Variants in CSF1R observed in about 807,000 individuals in gnomAD.
CSF1R encodes macrophage colony-stimulating factor 1 receptor.
In CSF1R, 40 loss-of-function variants were observed where a neutral mutation model predicts 110.0. The observed-to-expected ratio is 0.36, with a 90% CI of 0.28 to 0.47. The LOEUF (loss-of-function observed/expected upper bound fraction) is 0.47. CSF1R is among the 20% of genes least tolerant of loss of function. CSF1R has a pLI of 0.99. For missense variants in CSF1R, 1,052 were observed against 1,253.0 expected, an observed-to-expected ratio of 0.84 and a Z score of 2.42; for synonymous variants, 523 against 503.4, an observed-to-expected ratio of 1.04 and a Z score of -0.52.
At chr5:150,100,954 C>G (rs1412596703) in intron 1 of CSF1R, among the ~76,000 whole-genome samples, 1 of 152,056 alleles carries the variant, frequency 6.6e-6, no homozygotes, top group African/African-American at 2.4e-5. Context: ...TTCTCCCATT[C>G]TGTGGTTTGT....
intron 5 of CSF1R, 104 bp from the exon 6 acceptor site, chr5:150,073,597 TC>T: frequency 8.3e-7 from 1 of 1,201,112 alleles, no homozygotes; most frequent in Non-Finnish European, 1.2e-6. Flanking sequence ...AGCAGCTATG[TC>T]ACAGGTACAT....
intron 14 of CSF1R, 21 bp from the exon 15 acceptor site, chr5:150,057,613 G>A (rs1329148410): frequency 1.9e-6 from 3 of 1,597,990 alleles, no homozygotes; most frequent in Middle Eastern, 1.7e-4. Context: ...GAGAGGGTTG[G>A]GGGGCAGAGG....
At position 150,080,893 on chromosome 5, in the gene CSF1R, A is replaced by G. The variant is rs1423864756; in HGVS notation, c.181T>C (p.Tyr61His). 1 of 1,614,194 alleles carries G rather than the reference A, an allele frequency of 6.2e-7. No homozygotes were observed. ...AGGATGCTGCTGGAGCCATCAGAGTACAGGGTCCAGTGAGGTGATGGGGGG... is the reference window on the plus strand; with the variant it reads ...AGGATGCTGCTGGAGCCATCAGAGTGCAGGGTCCAGTGAGGTGATGGGGGG... ...DGPPSPHWTL[Y>H]SDGSSSILST... is the part of the protein sequence containing the mutation. Residue 61 changes from tyrosine to histidine, a missense_variant, in exon 2 of 21, where the codon TAC (tyrosine) becomes CAC (histidine). Physicochemically the swap from Tyr to His is moderately conservative, Grantham distance 83 (BLOSUM62 2). Coordinates refer to ENST00000675795, the MANE Select transcript of CSF1R (RefSeq NM_001288705.3).
In CSF1R at chr5:150,103,213, T is replaced by C. The variant is rs75347015; in HGVS notation, c.-181+10048A>G. On this transcript the variant is annotated intron_variant, in intron 1 of 21. Coordinates refer to the CSF1R transcript ENST00000286301. ...GCGCCACTCCCCACTACTTGGATTG[T>C]CTGGCCAATACCATTCCCTGTGCCC... Among the ~76,000 whole-genome samples, 837 of 152,362 alleles carry C rather than the reference T, an allele frequency of 5.5e-3. 5 individuals are homozygous for C. The highest frequency in any genetic ancestry group is 0.019 in the African/African-American group (793 of 41,588).
At chr5:150,060,840 C>T in intron 13 of CSF1R, 22 bp downstream of exon 13, 2 of 1,552,678 alleles carry the variant, frequency 1.3e-6, no homozygotes, top group Non-Finnish European at 1.8e-6. Context: ...GACCTTGGCC[C>T]CAGGAACCCC....
At chr5:150,090,007 C>T (rs138787440), upstream of CSF1R, among the ~76,000 whole-genome samples, 921 of 152,200 alleles carry the variant, frequency 6.1e-3, 8 homozygotes, top group Middle Eastern at 0.014. Flanking sequence ...CCTTATTTTA[C>T]ATCACATATA....
intron 10 of CSF1R, among the ~76,000 whole-genome samples, chr5:150,064,864 G>C (rs531900019): frequency 6.6e-6 from 1 of 152,290 alleles, no homozygotes; most frequent in East Asian, 1.9e-4. Context: ...CCCTGCCCCT[G>C]CTGGGCATGT....
chr5:150,068,216 T>C lies in CSF1R; in HGVS notation c.1625A>G (p.Gln542Arg). 1.2e-6 allele frequency: 2 copies of C among 1,609,416 alleles called. No homozygotes were observed. Among genetic ancestry groups the C allele is most frequent in the Non-Finnish European group, 1.7e-6 (2 of 1,178,938 alleles). The change falls in exon 10 of 21, where the codon CAG (glutamine) becomes CGG (arginine). Residue 542 changes from glutamine to arginine, a missense_variant and splice_region_variant. Gln to Arg is a conservative substitution (Grantham distance 43, BLOSUM62 1). This residue lies in a region of CSF1R where 693 missense variants were observed against 735.4 expected (regional missense o/e 0.94). Transcript: ENST00000675795. The stretch of plus-strand genomic sequence containing the variant: ...CAGCCCCACTCCGCTCCGGCTCACC[T>C]GCTTATACTTGTACAATAGCAGCAG... ...LLLLLLYKYK[Q>R]KPKYQVRWKI...
chr5:150,054,279 A>G (rs767046070), intron 20 of CSF1R, 43 bp downstream of exon 20: 10 of 1,613,726 alleles, frequency 6.2e-6, no homozygotes, highest in African/African-American at 2.7e-5. Flanking sequence ...GCCCAGCCCA[A>G]CGTGCTTTAC....
intron 1 of CSF1R, among the ~76,000 whole-genome samples, chr5:150,104,761 A>T (rs1297871266): frequency 6.6e-6 from 1 of 152,210 alleles, no homozygotes; most frequent in Non-Finnish European, 1.5e-5. Context: ...TTTTAGATGT[A>T]TGAAGAGTGA....
At chr5:150,057,685 T>C (rs910323037) in intron 14 of CSF1R, 93 bp from the exon 15 acceptor site, 52 of 861,696 alleles carry the variant, frequency 6.0e-5, no homozygotes, top group Non-Finnish European at 9.6e-5. Context: ...CATGGTCAAC[T>C]GGAACCTCCC....
intron 1 of CSF1R, among the ~76,000 whole-genome samples, chr5:150,093,882 G>A (rs1443288765): frequency 4.6e-5 from 7 of 152,068 alleles, no homozygotes; most frequent in Admixed American, 4.6e-4. Context: ...TGACCAACAT[G>A]GCAAAACCCT....
intron 1 of CSF1R, among the ~76,000 whole-genome samples, chr5:150,106,276 C>T (rs955725098): frequency 2.6e-5 from 4 of 152,130 alleles, no homozygotes; most frequent in African/African-American, 9.7e-5. Context: ...CATGACAGCC[C>T]AAGGATTAGG....
In CSF1R at chr5:150,077,242, C is replaced by T. The variant is rs1385729222; in HGVS notation, c.889+34G>A. On this transcript the variant is annotated intron_variant, in intron 5 of 20. Coordinates refer to ENST00000675795, the MANE Select transcript of CSF1R (RefSeq NM_001288705.3). ...CTTCTGCTCACACTCCTGCAGGATC[C>T]CTACCGACTGTCCACCACCACCCTG... 10 of 1,613,778 alleles carry T rather than the reference C, an allele frequency of 6.2e-6. No individual in the cohort carries two copies. The Middle Eastern group carries it at 6.6e-4, about 106-fold the overall frequency.
chr5:150,111,245 C>T (rs17725712), intron 1 of CSF1R, among the ~76,000 whole-genome samples: 16,198 of 152,168 alleles, frequency 0.11, 1,282 homozygotes, highest in East Asian at 0.25. Context: ...TTCAGTCTTT[C>T]CCTCTTTTTC....
At chr5:150,112,344 G>T (rs758667232) in intron 1 of CSF1R, among the ~76,000 whole-genome samples, 1 of 152,258 alleles carries the variant, frequency 6.6e-6, no homozygotes, top group Non-Finnish European at 1.5e-5. Flanking sequence ...GAGCTAATGT[G>T]TGTGAAGCAA....
chr5:150,088,857 A>G (rs1301410987), upstream of CSF1R, among the ~76,000 whole-genome samples: 3 of 152,224 alleles, frequency 2.0e-5, no homozygotes, highest in Non-Finnish European at 2.9e-5. Flanking sequence ...ATCTAACAGC[A>G]TATTAAAATG....
intron 10 of CSF1R, among the ~76,000 whole-genome samples, chr5:150,063,251 C>T (rs1757611860): frequency 6.6e-6 from 1 of 152,174 alleles, no homozygotes; most frequent in Non-Finnish European, 1.5e-5. Context: ...AAGCAGTTTG[C>T]CTGCCTCGGT....
intron 1 of CSF1R, among the ~76,000 whole-genome samples, chr5:150,105,413 A>T (rs1759527326): frequency 7.0e-6 from 1 of 142,614 alleles, no homozygotes; most frequent in Non-Finnish European, 1.5e-5. Flanking sequence ...AGGCGGGGTT[A>T]CCATGTTGGC....
Sources: gnomAD v4.1 joint callset for allele counts (sites outside exome capture counted in the v4.1 genomes callset) on GRCh38, gnomAD v4.1.1 for gene constraint, gnomAD v4.1.1 regional missense constraint, MANE v1.5 for transcripts, NCBI Gene and HGNC (gene_info 2026-07-23, HGNC 2026-07-21) for gene names.